DDAH1: variants seen among roughly 807,000 people sequenced by gnomAD.
DDAH1 encodes the protein N(G),N(G)-dimethylarginine dimethylaminohydrolase 1.
A neutral mutation model predicts 28.8 loss-of-function variants in DDAH1; 19 were observed. The ratio of observed to expected loss-of-function variants is 0.66; its 90% CI spans 0.46 to 0.97. DDAH1 has a LOEUF of 0.97. DDAH1 is among the 50% of genes least tolerant of loss of function. DDAH1 has a pLI of 0.00. For missense variants in DDAH1, 326 were observed against 375.9 expected, an observed-to-expected ratio of 0.87 and a Z score of 1.10; for synonymous variants, 153 against 154.4, an observed-to-expected ratio of 0.99 and a Z score of 0.07.
intron 1 of DDAH1, among the ~76,000 whole-genome samples, chr1:85,429,004 T>C (rs1653543793): frequency 6.6e-6 from 1 of 151,824 alleles, no homozygotes; most frequent in Admixed American, 6.6e-5. Flanking sequence ...ATAGGAGGCT[T>C]TTTATTTATT....
chr1:85,349,936 C>T (rs1466398169), intron 4 of DDAH1, among the ~76,000 whole-genome samples: 1 of 152,134 alleles, frequency 6.6e-6, no homozygotes, highest in African/African-American at 2.4e-5. Context: ...GTTATTATTC[C>T]AAATGCAAAT....
chr1:85,442,471 T>C (rs1654243892), intron 1 of DDAH1, among the ~76,000 whole-genome samples: 1 of 152,224 alleles, frequency 6.6e-6, no homozygotes, highest in Non-Finnish European at 1.5e-5. Flanking sequence ...CTATTGTGAA[T>C]AGTGCTGCAA....
chr1:85,504,499 A>G (rs1656939021), intron 1 of DDAH1, among the ~76,000 whole-genome samples: 1 of 152,218 alleles, frequency 6.6e-6, no homozygotes, highest in South Asian at 2.1e-4. Flanking sequence ...GAAAACCATC[A>G]TTCAGATTTT....
At chr1:85,333,373 G>GTT (rs1289905500) in intron 4 of DDAH1, among the ~76,000 whole-genome samples, 1 of 152,116 alleles carries the variant, frequency 6.6e-6, no homozygotes, top group Admixed American at 6.5e-5. Context: ...GGAAGTGACT[G>GTT]TTACACCAGA....
chr1:85,464,387 C>G lies in DDAH1; in HGVS notation c.303+356G>C. 3.9e-6 allele frequency: 4 copies of G among 1,036,574 alleles called. 1 individual carries two copies. In the Admixed American group the frequency reaches 9.2e-5, roughly 24 times the overall value. The allele number at this position is 1,036,574 out of a possible 1,614,324, so 64.2% of individuals were successfully genotyped here. On this transcript the variant is annotated intron_variant, in intron 1 of 5. Transcript: ENST00000284031. This position sits in a 1 kb window ranked among gnomAD's most constrained non-coding sequence, Gnocchi z 4.4. ...TCCACCCGCCCTACCGGAGCGGCAC[C>G]CCTCGCGGCCCTCGCTCCCTGGGAA...
At chr1:85,432,175 G>A (rs1653714503) in intron 1 of DDAH1, among the ~76,000 whole-genome samples, 1 of 152,168 alleles carries the variant, frequency 6.6e-6, no homozygotes, top group Admixed American at 6.5e-5. Context: ...CTGTTTGGCA[G>A]TCCTAGAGCA....
intron 1 of DDAH1, among the ~76,000 whole-genome samples, chr1:85,452,432 T>C (rs1327279132): frequency 1.3e-5 from 2 of 152,154 alleles, no homozygotes; most frequent in African/African-American, 2.4e-5. Context: ...GATGCGTGCA[T>C]GTGTATAAAT....
At chr1:85,531,311 C>CTT (rs1359370013) in intron 1 of DDAH1, among the ~76,000 whole-genome samples, 1 of 151,968 alleles carries the variant, frequency 6.6e-6, no homozygotes, top group Non-Finnish European at 1.5e-5. Flanking sequence ...TCCATTTCTA[C>CTT]TCTTTCTTGC....
At chr1:85,488,101 C>G (rs1456260547) in intron 2 of DDAH1, among the ~76,000 whole-genome samples, 1 of 152,120 alleles carries the variant, frequency 6.6e-6, no homozygotes, top group East Asian at 1.9e-4. Context: ...AGGCAAATCA[C>G]TTGAACCCAG....
At chr1:85,505,130 C>T (rs1264206135) in intron 1 of DDAH1, among the ~76,000 whole-genome samples, 1 of 151,720 alleles carries the variant, frequency 6.6e-6, no homozygotes, top group African/African-American at 2.4e-5. Context: ...AGATTATAGG[C>T]ACACACCACC....
chr1:85,506,794 A>G (rs1657033324), intron 1 of DDAH1, among the ~76,000 whole-genome samples: 1 of 152,172 alleles, frequency 6.6e-6, no homozygotes, highest in Non-Finnish European at 1.5e-5. Context: ...CAAGGTAGAG[A>G]AATGGTGACA....
At chr1:85,406,619 T>C (rs1652417258) in intron 1 of DDAH1, among the ~76,000 whole-genome samples, 1 of 152,196 alleles carries the variant, frequency 6.6e-6, no homozygotes, top group Non-Finnish European at 1.5e-5. Flanking sequence ...TGCAGCATTA[T>C]GCTTTGAAAT....
chr1:85,535,099 G>A (rs1383342589), intron 1 of DDAH1, among the ~76,000 whole-genome samples: 1 of 152,054 alleles, frequency 6.6e-6, no homozygotes, highest in Non-Finnish European at 1.5e-5. Context: ...TTCACTTAAG[G>A]TGAAAGGATA....
intron 4 of DDAH1, among the ~76,000 whole-genome samples, chr1:85,344,188 C>T (rs1490556497): frequency 6.6e-6 from 1 of 152,106 alleles, no homozygotes; most frequent in Non-Finnish European, 1.5e-5. Flanking sequence ...CTTTTCTTAC[C>T]ACGTCCTTGT....
At chr1:85,558,191 G>T (rs141285149) in intron 1 of DDAH1, among the ~76,000 whole-genome samples, 21 of 152,188 alleles carry the variant, frequency 1.4e-4, no homozygotes, top group African/African-American at 4.3e-4. Context: ...ATGAAACCTC[G>T]TCTCTACTTA....
intron 1 of DDAH1, among the ~76,000 whole-genome samples, chr1:85,524,452 G>T (rs1327339847): frequency 6.0e-5 from 9 of 151,238 alleles, no homozygotes; most frequent in Middle Eastern, 3.4e-3. Context: ...TTTCTCTAAA[G>T]ATGTTTGGTA....
chr1:85,486,105 C>T (rs1308455892), intron 2 of DDAH1, among the ~76,000 whole-genome samples: 2 of 152,284 alleles, frequency 1.3e-5, no homozygotes, highest in East Asian at 1.9e-4. Flanking sequence ...CAAGCAAATG[C>T]GTATCTGAGG....
intron 1 of DDAH1, among the ~76,000 whole-genome samples, chr1:85,436,827 T>C (rs773263947): frequency 6.6e-6 from 1 of 152,192 alleles, no homozygotes; most frequent in Non-Finnish European, 1.5e-5. Flanking sequence ...AACTCTCAGT[T>C]CTTGCACATT....
intron 1 of DDAH1, among the ~76,000 whole-genome samples, chr1:85,502,564 C>T (rs1217865554): frequency 2.6e-5 from 4 of 152,118 alleles, no homozygotes; most frequent in Non-Finnish European, 4.4e-5. Flanking sequence ...TTCTCAGATC[C>T]CTCTGGCTTC....
Sources: gnomAD v4.1 joint callset for allele counts (sites outside exome capture counted in the v4.1 genomes callset) on GRCh38, gnomAD v4.1.1 for gene constraint, Gnocchi (gnomAD v3.1) non-coding constraint, MANE v1.5 for transcripts, NCBI Gene and HGNC (gene_info 2026-07-23, HGNC 2026-07-21) for gene names.